The following TMPRSS11D variants were observed in gnomAD, a reference collection of about 807,000 sequenced individuals.
TMPRSS11D encodes transmembrane protease serine 11D.
TMPRSS11D carries 32 observed loss-of-function variants against 44.4 expected under a neutral mutation model. The observed-to-expected ratio is 0.72, with a 90% CI of 0.54 to 0.97. The LOEUF is 0.97. TMPRSS11D is among the 50% of genes least tolerant of loss of function. The pLI is 0.00. For missense variants in TMPRSS11D, 446 were observed against 502.6 expected, an observed-to-expected ratio of 0.89 and a Z score of 1.08; for synonymous variants, 179 against 177.9, an observed-to-expected ratio of 1.01 and a Z score of -0.05.
intron 4 of TMPRSS11D, among the ~76,000 whole-genome samples, chr4:67,840,093 G>T (rs976845331): frequency 1.3e-5 from 2 of 151,182 alleles, no homozygotes; most frequent in Non-Finnish European, 2.9e-5. Context: ...GGTTGTACAG[G>T]GTCCCAAGTG....
intron 7 of TMPRSS11D, among the ~76,000 whole-genome samples, chr4:67,831,252 A>G (rs968979016): frequency 2.0e-5 from 3 of 152,082 alleles, no homozygotes; most frequent in Non-Finnish European, 2.9e-5. Flanking sequence ...TGATAATTCA[A>G]TAATCCTCTT....
intron 7 of TMPRSS11D, among the ~76,000 whole-genome samples, chr4:67,832,163 G>A (rs904725849): frequency 1.3e-5 from 2 of 152,078 alleles, no homozygotes. Context: ...GAAGCTCAAG[G>A]TACATGCTTT....
chr4:67,876,837 A>G (rs1234055070), intron 1 of TMPRSS11D, among the ~76,000 whole-genome samples: 1 of 152,172 alleles, frequency 6.6e-6, no homozygotes, highest in African/African-American at 2.4e-5. Context: ...ACATTTTTTT[A>G]ATTGCCAAAT....
At position 67,838,081 on chromosome 4, in the gene TMPRSS11D, A is replaced by C. The variant is rs561057127; in HGVS notation, c.475+91T>G. The C allele has an allele frequency of 2.1e-5, 24 of 1,131,466 alleles. No individual in the cohort carries two copies. In the East Asian group the frequency reaches 6.8e-4, roughly 32 times the overall value. The allele number at this position is 1,131,466 out of a possible 1,614,324, so 70.1% of individuals were successfully genotyped here. ...TTTCACAGTTTAGTTTCAAAGAAAG[A>C]AAAGTCAGCCTCTCAATTAAAATAT... On this transcript the variant is annotated intron_variant, in intron 5 of 9. Transcript: ENST00000283916.
rs768229972 is a variant in TMPRSS11D, at chr4:67,825,795, A to G, written c.1032T>C (p.Asn344=). 2 of 1,613,278 alleles carry G rather than the reference A, an allele frequency of 1.2e-6. No individual in the cohort carries two copies. The highest frequency in any genetic ancestry group is 1.7e-6 in the Non-Finnish European group (2 of 1,179,514). Residue 344 remains asparagine, a synonymous_variant, in exon 9 of 10, where the codon AAT becomes AAC. Coordinates refer to ENST00000283916, the MANE Select transcript of TMPRSS11D (RefSeq NM_004262.3). ...ACAGCATTCCAGACAAGATGGCTCC[A>G]TTATAACTATGTGGTGCATTACATA... ...NDVCNAPHSY[N]GAILSGMLCA... is the part of the protein sequence containing the mutation.
At chr4:67,868,365 T>C (rs1225922708) in intron 1 of TMPRSS11D, among the ~76,000 whole-genome samples, 1 of 152,160 alleles carries the variant, frequency 6.6e-6, no homozygotes, top group Non-Finnish European at 1.5e-5. Flanking sequence ...AGGTGATGGC[T>C]ACACTAAAAG....
chr4:67,827,182 A>C (rs79454382), intron 8 of TMPRSS11D, 79 bp downstream of exon 8: 1 of 1,494,542 alleles, frequency 6.7e-7, no homozygotes, highest in Non-Finnish European at 9.0e-7. Flanking sequence ...CCTATTCCAG[A>C]TGTTTCCTAA....
intron 7 of TMPRSS11D, among the ~76,000 whole-genome samples, chr4:67,831,493 C>A (rs1717945208): frequency 6.6e-6 from 1 of 152,078 alleles, no homozygotes; most frequent in Admixed American, 6.6e-5. Context: ...ATATTTATAA[C>A]TGTGGCTTTC....
At chr4:67,854,243 A>C (rs1245895522) in intron 2 of TMPRSS11D, 57 bp from the exon 3 acceptor site, 8 of 939,256 alleles carry the variant, frequency 8.5e-6, no homozygotes, top group Middle Eastern at 2.4e-4. Flanking sequence ...TTGAACCTTT[A>C]ATTTATTCAG....
At chr4:67,833,548 G>C (rs1332546640) in intron 6 of TMPRSS11D, 167 bp from the exon 7 acceptor site, 1 of 525,990 alleles carries the variant, frequency 1.9e-6, no homozygotes, top group Non-Finnish European at 3.0e-6. Flanking sequence ...CAATGCATTT[G>C]TGACTACTGT....
intron 7 of TMPRSS11D, among the ~76,000 whole-genome samples, chr4:67,831,407 C>G (rs1717942619): frequency 6.6e-6 from 1 of 151,972 alleles, no homozygotes; most frequent in South Asian, 2.1e-4. Flanking sequence ...TTTAGTGGAT[C>G]AATCATGGTA....
intron 9 of TMPRSS11D, among the ~76,000 whole-genome samples, chr4:67,824,137 GTT>G (rs5859106): frequency 0.18 from 25,614 of 143,696 alleles, 2,338 homozygotes; most frequent in Middle Eastern, 0.22. Flanking sequence ...AAAGTGCTGT[GTT>G]TTTTTTTTTT....
intron 9 of TMPRSS11D, among the ~76,000 whole-genome samples, chr4:67,823,288 ATACT>A (rs1717698037): frequency 6.6e-6 from 1 of 152,314 alleles, no homozygotes; most frequent in Non-Finnish European, 1.5e-5. Context: ...TCCTAATGAC[ATACT>A]TACCACCCAG....
chr4:67,852,931 G>A (rs1430271884), intron 3 of TMPRSS11D, among the ~76,000 whole-genome samples: 2 of 151,716 alleles, frequency 1.3e-5, no homozygotes, highest in Admixed American at 1.3e-4. Context: ...ATACATACAG[G>A]TATGTGGCAT....
intron 1 of TMPRSS11D, among the ~76,000 whole-genome samples, chr4:67,875,721 C>T (rs150106055): frequency 5.9e-5 from 9 of 152,314 alleles, no homozygotes; most frequent in East Asian, 5.8e-4. Context: ...GTTTGCAAAA[C>T]GGAAGTGACA....
At chr4:67,872,038 T>C (rs972615072) in intron 1 of TMPRSS11D, among the ~76,000 whole-genome samples, 8 of 152,132 alleles carry the variant, frequency 5.3e-5, no homozygotes, top group African/African-American at 9.7e-5. Flanking sequence ...CCTTACTGAT[T>C]AATGTTAGTT....
At chr4:67,858,636 T>C (rs1718716436) in intron 2 of TMPRSS11D, among the ~76,000 whole-genome samples, 1 of 152,144 alleles carries the variant, frequency 6.6e-6, no homozygotes, top group Non-Finnish European at 1.5e-5. Context: ...ATAAGTTATA[T>C]TCTTTCTCTT....
chr4:67,845,973 A>G (rs1718346048), intron 3 of TMPRSS11D, among the ~76,000 whole-genome samples: 1 of 152,176 alleles, frequency 6.6e-6, no homozygotes, highest in Non-Finnish European at 1.5e-5. Context: ...GCCTGTGAAT[A>G]TATCAGATTA....
chr4:67,864,288 A>G (rs965582330), intron 1 of TMPRSS11D, among the ~76,000 whole-genome samples: 1 of 151,964 alleles, frequency 6.6e-6, no homozygotes, highest in African/African-American at 2.4e-5. Context: ...GTTGACACCT[A>G]TCTCCATTGA....
Sources: allele counts gnomAD v4.1 joint callset (sites outside exome capture counted in the v4.1 genomes callset), GRCh38; gene constraint gnomAD v4.1.1; transcripts MANE v1.5; gene names NCBI Gene and HGNC (gene_info 2026-07-23, HGNC 2026-07-21).